The following ANKRD12 variants were observed in gnomAD, a reference collection of about 807,000 sequenced individuals.
ANKRD12 encodes ankyrin repeat domain 12, also known as ankyrin repeat domain-containing protein 12.
Under a neutral mutation model 183.4 loss-of-function variants are expected in ANKRD12, and 85 were observed. The ratio of observed to expected loss-of-function variants is 0.46; its 90% CI spans 0.39 to 0.56. ANKRD12 has a LOEUF of 0.56. Among genes scored for constraint, ANKRD12 ranks in the 20% least tolerant of loss-of-function variants. The pLI is 0.00. For synonymous variants in ANKRD12, 914 were observed against 800.2 expected (o/e 1.14, Z -2.40); for missense variants, 2,405 against 2,357.1 (o/e 1.02, Z -0.42).
chr18:9,180,195 A>G (rs2033600754), intron 1 of ANKRD12, among the ~76,000 whole-genome samples: 1 of 152,062 alleles, frequency 6.6e-6, no homozygotes, highest in Admixed American at 6.6e-5. Flanking sequence ...TGACCCCTTT[A>G]TCAATATGTA....
chr18:9,275,176 G>A lies in ANKRD12; in HGVS notation c.5764-348G>A, dbSNP rs536865617. On this transcript the variant is annotated intron_variant, in intron 10 of 12. Coordinates refer to ENST00000262126, the MANE Select transcript of ANKRD12 (RefSeq NM_015208.5). Reference sequence around the variant, plus strand: ...TACACACCAGCCTGGGTGACAGAGTGAGAAGAGGCTAGGCACAGTGGCTCA... The same window carrying A: ...TACACACCAGCCTGGGTGACAGAGTAAGAAGAGGCTAGGCACAGTGGCTCA... 3.9e-5 allele frequency among the ~76,000 whole-genome samples: 6 copies of A among 152,190 alleles called. No homozygotes were observed. In the South Asian group the frequency reaches 1.2e-3, roughly 32 times the overall value.
chr18:9,152,824 C>T (rs949266695), intron 1 of ANKRD12, among the ~76,000 whole-genome samples: 2 of 152,096 alleles, frequency 1.3e-5, no homozygotes, highest in African/African-American at 4.8e-5. Flanking sequence ...TGCTTTCTCA[C>T]TTTCCTGTGG....
chr18:9,216,701 A>G, intron 6 of ANKRD12, 57 bp from the exon 7 acceptor site: 1 of 1,554,452 alleles, frequency 6.4e-7, no homozygotes, highest in Non-Finnish European at 8.8e-7. Context: ...GTATATGAAA[A>G]GCATATATTT....
At chr18:9,215,491 T>A (rs2036046791) in intron 6 of ANKRD12, among the ~76,000 whole-genome samples, 1 of 152,074 alleles carries the variant, frequency 6.6e-6, no homozygotes, top group Non-Finnish European at 1.5e-5. Flanking sequence ...ACCAATTGAT[T>A]TCGACACCAA....
chr18:9,179,603 C>A (rs1002539149), intron 1 of ANKRD12, among the ~76,000 whole-genome samples: 2 of 152,088 alleles, frequency 1.3e-5, no homozygotes, highest in African/African-American at 4.8e-5. Context: ...GCAGCCTCGA[C>A]CTCCTGGGCT....
rs1480940394 is a variant in ANKRD12 at position 9,280,686 on chromosome 18, G to A, written c.6004-255G>A. Among the ~76,000 whole-genome samples the A allele has an allele frequency of 2.6e-5, 4 of 152,136 alleles. No homozygotes were observed. The South Asian group carries it at 6.2e-4, about 24-fold the overall frequency. ...TGCCTGTAGTCTCAGCTACTTGGGAGGCTGAAGCAGGAGACTCGCTTGAAC... is the reference window on the plus strand; with the variant it reads ...TGCCTGTAGTCTCAGCTACTTGGGAAGCTGAAGCAGGAGACTCGCTTGAAC... On this transcript the variant is annotated intron_variant, in intron 12 of 12. Transcript: ENST00000262126.
At chr18:9,180,846 T>C (rs1421525168) in intron 1 of ANKRD12, among the ~76,000 whole-genome samples, 1 of 152,222 alleles carries the variant, frequency 6.6e-6, no homozygotes, top group Non-Finnish European at 1.5e-5. Context: ...TTGACACTCC[T>C]TTAGTTCACT....
intron 8 of ANKRD12, among the ~76,000 whole-genome samples, chr18:9,232,841 G>C (rs993765791): frequency 1.1e-5 from 1 of 92,706 alleles, no homozygotes; most frequent in South Asian, 4.8e-4. Flanking sequence ...AGTTTTGAAA[G>C]ACCTGATTTT....
chr18:9,190,541 A>G (rs907744882), intron 2 of ANKRD12, among the ~76,000 whole-genome samples: 2 of 152,370 alleles, frequency 1.3e-5, no homozygotes, highest in East Asian at 1.9e-4. Context: ...GGTAAGTGCT[A>G]TCAACAGCAT....
At position 9,258,187 on chromosome 18, in the gene ANKRD12, G is replaced by A. The variant is rs367762616; in HGVS notation, c.4920G>A (p.Leu1640=). 3 of 1,613,698 alleles carry A rather than the reference G, an allele frequency of 1.9e-6. No homozygotes were observed. In the African/African-American group the frequency reaches 4.0e-5, roughly 22 times the overall value. The change falls in exon 9 of 13, where the codon TTG becomes TTA. Residue 1640 remains leucine, a synonymous_variant. Transcript: ENST00000262126. ...SHEKENKLES[L]VLTHLSRCDS... ...AAAAAGAAAACAAACTGGAGAGTTT[G>A]GTTTTAACTCATTTGAGTAGGTGTG...
chr18:9,176,082 T>G (rs934703713), intron 1 of ANKRD12, among the ~76,000 whole-genome samples: 4 of 152,190 alleles, frequency 2.6e-5, no homozygotes, highest in Admixed American at 2.0e-4. Flanking sequence ...TTGAGTTGTG[T>G]TTTTTGATTC....
Position 9,257,717 on chromosome 18 carries a change from T to C in ANKRD12, c.4450T>C (p.Ser1484Pro). The change falls in exon 9 of 13, where the codon TCC becomes CCC. Residue 1484 changes from serine to proline, a missense_variant. Physicochemically the swap from Ser to Pro is moderately conservative, Grantham distance 74. This residue lies in a region of ANKRD12 where 1,983 missense variants were observed against 1,725.9 expected (regional missense o/e 1.15). Coordinates refer to ENST00000262126, the MANE Select transcript of ANKRD12 (RefSeq NM_015208.5). ...AAACTCTTGTGCTCAGGATCCGGCA[T>C]CCTTTATGCCTCCACAGCAGCCTTG... ...PGNSCAQDPA[S>P]FMPPQQPCSF... is the part of the protein sequence containing the mutation. The C allele has an allele frequency of 6.2e-7, 1 of 1,614,064 alleles. No homozygotes were observed.
chr18:9,252,315 C>T (rs1000310048), intron 8 of ANKRD12, among the ~76,000 whole-genome samples: 4 of 152,074 alleles, frequency 2.6e-5, no homozygotes, highest in African/African-American at 9.7e-5. Flanking sequence ...TTTGCTGAGG[C>T]CCACAGGCTG....
intron 10 of ANKRD12, among the ~76,000 whole-genome samples, chr18:9,271,022 T>G (rs746424214): frequency 3.1e-4 from 47 of 152,282 alleles, no homozygotes; most frequent in Non-Finnish European, 3.1e-4. Flanking sequence ...GAAGTATCTC[T>G]ACGCAGAACT....
At chr18:9,192,649 T>C (rs1339954097) in intron 2 of ANKRD12, among the ~76,000 whole-genome samples, 2 of 152,274 alleles carry the variant, frequency 1.3e-5, no homozygotes, top group African/African-American at 4.8e-5. Context: ...TGTAAAATCT[T>C]GTGGAGTAGG....
At chr18:9,274,380 T>G (rs561504456) in intron 10 of ANKRD12, among the ~76,000 whole-genome samples, 9 of 152,352 alleles carry the variant, frequency 5.9e-5, no homozygotes, top group African/African-American at 2.2e-4. Context: ...AAAGTACTGA[T>G]GCATGCTACA....
rs1289177807 is a variant in ANKRD12, at chr18:9,191,217, T to TA, written c.88-4333dup. 2.6e-5 allele frequency among the ~76,000 whole-genome samples: 4 copies of TA among 152,334 alleles called. No homozygotes were observed. In the South Asian group the frequency reaches 6.2e-4, roughly 24 times the overall value. On this transcript the variant is annotated intron_variant, in intron 2 of 12. Coordinates refer to ENST00000262126, the MANE Select transcript of ANKRD12 (RefSeq NM_015208.5). ...TTTAAGATAATAAACCTAACAGAGT[T>TA]ATGGGCCTAGGATGTGCTAATGAGC... is the stretch of plus-strand genomic sequence containing the variant.
At chr18:9,273,476 CAT>C (rs1334746344) in intron 10 of ANKRD12, among the ~76,000 whole-genome samples, 2 of 152,130 alleles carry the variant, frequency 1.3e-5, no homozygotes, top group East Asian at 1.9e-4. Flanking sequence ...ATAAAAAAGA[CAT>C]ATGTAACAAG....
intron 2 of ANKRD12, among the ~76,000 whole-genome samples, chr18:9,190,592 C>G (rs1428353561): frequency 6.6e-6 from 1 of 152,164 alleles, no homozygotes; most frequent in Non-Finnish European, 1.5e-5. Context: ...AAAGTCAATT[C>G]ACATGGCAAA....
Sources: gnomAD v4.1 joint callset for allele counts (sites outside exome capture counted in the v4.1 genomes callset) on GRCh38, gnomAD v4.1.1 for gene constraint, gnomAD v4.1.1 regional missense constraint, MANE v1.5 for transcripts, NCBI Gene and HGNC (gene_info 2026-07-23, HGNC 2026-07-21) for gene names.